Variants in KIAA1549 observed in about 807,000 individuals in gnomAD.
The protein encoded by KIAA1549 is KIAA1549, also known as UPF0606 protein KIAA1549.
A neutral mutation model predicts 156.4 loss-of-function variants in KIAA1549; 70 were observed. The ratio of observed to expected loss-of-function variants is 0.45; its 90% CI spans 0.37 to 0.55. The LOEUF (loss-of-function observed/expected upper bound fraction) is 0.55. KIAA1549 is among the 20% of genes least tolerant of loss of function. The pLI is 0.00. For synonymous variants in KIAA1549, 1,103 were observed against 1,066.4 expected (o/e 1.03, Z -0.67); for missense variants, 2,428 against 2,540.9 (o/e 0.96, Z 0.96).
chr7:138,904,945 G>C (rs1325652254), intron 7 of KIAA1549, 77 bp downstream of exon 7: 1 of 860,252 alleles, frequency 1.2e-6, no homozygotes, highest in Non-Finnish European at 1.8e-6. Context: ...AAACAAGAAA[G>C]GCAGCATCAT....
Position 138,838,158 on chromosome 7 carries a change from T to A in KIAA1549, c.5601A>T (p.Thr1867=). The change falls in exon 20 of 20, where the codon ACA becomes ACT. Residue 1867 remains threonine (T), a splice_region_variant and synonymous_variant. Transcript: ENST00000422774. ...GEDEAGRREA[T]HMLGHQEYSS... is the part of the protein sequence containing the mutation. ...AATACTCTTGATGTCCGAGCATGTG[T>A]GTCTGAAAAACATGGCAAACGTCAC... 6.8e-7 allele frequency: 1 copy of A among 1,464,020 alleles called. No homozygotes were observed. Among genetic ancestry groups the A allele is most frequent in the Non-Finnish European group, 9.0e-7 (1 of 1,113,842 alleles). The allele number at this position is 1,464,020 out of a possible 1,614,324, so 90.7% of individuals were successfully genotyped here. A position where few individuals can be genotyped will look rare whatever the true frequency, so the allele number is the denominator to read the frequency against.
Position 138,915,737 on chromosome 7 carries a change from GTCCTCCACTCCTACCA to G in KIAA1549, c.2878+995_2878+1010del, listed in dbSNP as rs565066104. 3.6e-4 allele frequency among the ~76,000 whole-genome samples: 54 copies of G among 151,862 alleles called. No individual in the cohort carries two copies. The South Asian group carries it at 7.7e-3, about 22-fold the overall frequency. Reference sequence around the variant, plus strand: ...CGTTTTCGTCCCCTTTTTCATTTCTGTCCTCCACTCCTACCAAAATCAAAACAGAGGACAGGCTGCT... The same window carrying G: ...CGTTTTCGTCCCCTTTTTCATTTCTGAAATCAAAACAGAGGACAGGCTGCT... On this transcript the variant is annotated intron_variant, in intron 2 of 19. Transcript: ENST00000422774.
chr7:138,864,045 T>G (rs1810663878), intron 15 of KIAA1549, among the ~76,000 whole-genome samples: 1 of 152,200 alleles, frequency 6.6e-6, no homozygotes, highest in Admixed American at 6.5e-5. Flanking sequence ...AACCTAGAGC[T>G]CACGGGTGGA....
At chr7:138,939,660 G>T (rs527659632) in intron 1 of KIAA1549, among the ~76,000 whole-genome samples, 12 of 152,288 alleles carry the variant, frequency 7.9e-5, no homozygotes, top group Admixed American at 5.9e-4. Context: ...ATCACGGCAG[G>T]AAGCGCCTGG....
rs1563039449 is a variant in KIAA1549 at position 138,832,190 on chromosome 7, C to CTTTTTTTTTTTTTTTTTGTTTTT, written c.*5715_*5716insAAAAACAAAAAAAAAAAAAAAAA. 5.9e-6 allele frequency: 1 copy of CTTTTTTTTTTTTTTTTTGTTTTT among 168,174 alleles called. No individual in the cohort carries two copies. Among genetic ancestry groups the CTTTTTTTTTTTTTTTTTGTTTTT allele is most frequent in the African/African-American group, 3.3e-5 (1 of 30,044 alleles). The allele number at this position is 168,174 out of a possible 1,614,324, so 10.4% of individuals were successfully genotyped here. On this transcript the variant is annotated 3_prime_UTR_variant, in exon 20 of 20. Coordinates refer to ENST00000422774, the MANE Select transcript of KIAA1549 (RefSeq NM_001164665.2). ...TTCACCTCTGTCCCTTTTACCTATT[C>CTTTTTTTTTTTTTTTTTGTTTTT]CTTTTTTTTTTTTTTTTTTTTCCAG...
chr7:138,903,053 G>A lies in KIAA1549; in HGVS notation c.3669+535C>T, dbSNP rs533793416. On this transcript the variant is annotated intron_variant, in intron 8 of 19. Transcript: ENST00000422774. The stretch of plus-strand genomic sequence containing the variant: ...GGCTATGTAATTTCTAGAGAGAGGC[G>A]ATTTTGCTCAGAAAATAAATTTTAA... 6.6e-5 allele frequency among the ~76,000 whole-genome samples: 10 copies of A among 152,146 alleles called. No individual in the cohort carries two copies. The East Asian group carries it at 1.5e-3, about 24-fold the overall frequency.
intron 10 of KIAA1549, among the ~76,000 whole-genome samples, chr7:138,892,200 A>G (rs950903452): frequency 6.6e-6 from 1 of 152,216 alleles, no homozygotes; most frequent in Non-Finnish European, 1.5e-5. Flanking sequence ...ATTTACAGCC[A>G]CATCTGGGAC....
At chr7:138,903,792 A>T (rs919716552) in intron 7 of KIAA1549, 56 bp from the exon 8 acceptor site, 22 of 1,192,768 alleles carry the variant, frequency 1.8e-5, no homozygotes, top group South Asian at 6.1e-5. Context: ...GTAAAAAAAC[A>T]GTGTGTGTGT....
chr7:138,965,480 C>G (rs1455864103), intron 1 of KIAA1549, among the ~76,000 whole-genome samples: 2 of 152,284 alleles, frequency 1.3e-5, no homozygotes, highest in South Asian at 2.1e-4. Flanking sequence ...CGTGAGCCAC[C>G]ACGCCCGGCA....
At chr7:138,937,966 A>G (rs1813066818) in intron 1 of KIAA1549, among the ~76,000 whole-genome samples, 1 of 152,144 alleles carries the variant, frequency 6.6e-6, no homozygotes, top group African/African-American at 2.4e-5. Flanking sequence ...AGGAGGGGCC[A>G]CCTTTAGGAA....
chr7:138,918,405 A>G lies in KIAA1549; in HGVS notation c.1221T>C (p.His407=), dbSNP rs1161934552. ...SALPGPVDNT[H]ILSPVSSFRP... Reference sequence around the variant, plus strand: ...TGAATGAGGACACCGGGCTCAGGATATGAGTGTTGTCCACAGGACCGGGGA... The same window carrying G: ...TGAATGAGGACACCGGGCTCAGGATGTGAGTGTTGTCCACAGGACCGGGGA... The change falls in exon 2 of 20, where the codon CAT becomes CAC. Residue 407 remains histidine, a synonymous_variant. Coordinates refer to ENST00000422774, the MANE Select transcript of KIAA1549 (RefSeq NM_001164665.2). The surrounding 1 kb of genome is among the most constrained non-coding windows in gnomAD (Gnocchi z 4.2). 1 of 1,613,972 alleles carries G rather than the reference A, an allele frequency of 6.2e-7. No homozygotes were observed. The highest frequency in any genetic ancestry group is 8.5e-7 in the Non-Finnish European group (1 of 1,179,884).
At chr7:138,979,105 C>T (rs1814464381) in intron 1 of KIAA1549, among the ~76,000 whole-genome samples, 3 of 152,222 alleles carry the variant, frequency 2.0e-5, no homozygotes, top group African/African-American at 7.2e-5. Context: ...CTTCTTAGTT[C>T]CTAGTCTATG....
At chr7:138,970,446 C>A (rs186143275) in intron 1 of KIAA1549, among the ~76,000 whole-genome samples, 1 of 152,168 alleles carries the variant, frequency 6.6e-6, no homozygotes. Context: ...CAGTTTTGCC[C>A]GATGGCTTGA....
chr7:138,883,132 G>C (rs912374260), intron 10 of KIAA1549, among the ~76,000 whole-genome samples: 2 of 140,566 alleles, frequency 1.4e-5, no homozygotes, highest in Non-Finnish European at 3.0e-5. Flanking sequence ...GCCAGACATG[G>C]TATGGTGGTG....
chr7:138,974,514 C>T (rs966053791), intron 1 of KIAA1549, among the ~76,000 whole-genome samples: 1 of 152,048 alleles, frequency 6.6e-6, no homozygotes, highest in African/African-American at 2.4e-5. Flanking sequence ...CTCACCGCAA[C>T]CTTTGCCTCC....
intron 1 of KIAA1549, among the ~76,000 whole-genome samples, chr7:138,963,689 C>A (rs1393154179): frequency 6.6e-6 from 1 of 152,170 alleles, no homozygotes; most frequent in Non-Finnish European, 1.5e-5. Context: ...AGTTTTTGAA[C>A]AAAGTACTCA....
chr7:138,917,101 G>A lies in KIAA1549; in HGVS notation c.2525C>T (p.Ala842Val), dbSNP rs202114551. 1.6e-4 allele frequency: 258 copies of A among 1,610,612 alleles called. No homozygotes were observed. The East Asian group carries it at 4.4e-3, about 28-fold the overall frequency. Reference protein sequence around the residue: ...IPTGTVLITDAYLPSGSSFVS... With the variant: ...IPTGTVLITDVYLPSGSSFVS... ...AAACGAGGATCCTGATGGCAGGTACGCGTCAGTGATCAACACCGTACCAGT... is the reference window on the plus strand; with the variant it reads ...AAACGAGGATCCTGATGGCAGGTACACGTCAGTGATCAACACCGTACCAGT... Residue 842 changes from alanine to valine, a missense_variant, in exon 2 of 20, where the codon GCG becomes GTG. Ala to Val is a moderately conservative substitution (Grantham distance 64, BLOSUM62 0). Transcript: ENST00000422774.
chr7:138,875,038 G>A (rs1225693916), intron 12 of KIAA1549, among the ~76,000 whole-genome samples: 1 of 151,040 alleles, frequency 6.6e-6, no homozygotes. Context: ...GGAGGAATGG[G>A]TTGAGCACCT....
At chr7:138,963,419 T>C (rs1048577741) in intron 1 of KIAA1549, among the ~76,000 whole-genome samples, 20 of 152,204 alleles carry the variant, frequency 1.3e-4, no homozygotes, top group African/African-American at 4.6e-4. Flanking sequence ...ATATCTTGTT[T>C]TCCTCTCGGG....
Sources: allele counts gnomAD v4.1 joint callset (sites outside exome capture counted in the v4.1 genomes callset), GRCh38; gene constraint gnomAD v4.1.1; non-coding constraint Gnocchi (gnomAD v3.1); transcripts MANE v1.5; gene names NCBI Gene and HGNC (gene_info 2026-07-23, HGNC 2026-07-21).